CSNK1G2: variants seen among roughly 807,000 people sequenced by gnomAD.
CSNK1G2 encodes casein kinase I isoform gamma-2.
Under a neutral mutation model 48.0 loss-of-function variants are expected in CSNK1G2, and 11 were observed. The ratio of observed to expected loss-of-function variants is 0.23; its 90% CI spans 0.14 to 0.38. The LOEUF is 0.38. Ranked by LOEUF, CSNK1G2 falls within the 10% of genes least tolerant of loss-of-function variation. The pLI, the probability that CSNK1G2 is intolerant of heterozygous loss-of-function variation, is 1.00. For missense variants in CSNK1G2, 446 were observed against 595.5 expected (o/e 0.75, Z 2.61); for synonymous variants, 337 against 254.1 (o/e 1.33, Z -3.10).
At chr19:1,955,655 C>A (rs2014968174) in intron 1 of CSNK1G2, among the ~76,000 whole-genome samples, 1 of 152,202 alleles carries the variant, frequency 6.6e-6, no homozygotes, top group Non-Finnish European at 1.5e-5. Context: ...CCCACGACCC[C>A]CTCAGAGGGG....
chr19:1,949,308 G>A (rs2014679905), intron 1 of CSNK1G2, among the ~76,000 whole-genome samples: 1 of 152,070 alleles, frequency 6.6e-6, no homozygotes, highest in Non-Finnish European at 1.5e-5. Context: ...GTTCACTCCC[G>A]TGCCCTCTCC....
chr19:1,975,945 G>A (rs1430459791), intron 2 of CSNK1G2: 4 of 830,634 alleles, frequency 4.8e-6, no homozygotes, highest in Admixed American at 2.9e-5. Context: ...TGAGGCAGGA[G>A]AATCGCTTGA....
chr19:1,968,441 T>G (rs548941896), intron 1 of CSNK1G2, among the ~76,000 whole-genome samples: 55 of 152,288 alleles, frequency 3.6e-4, no homozygotes, highest in Non-Finnish European at 6.0e-4. Context: ...GCGCTGAGAC[T>G]GGGCTCCATG....
chr19:1,973,250 GTC>G (rs2015637328), intron 2 of CSNK1G2, among the ~76,000 whole-genome samples: 1 of 150,712 alleles, frequency 6.6e-6, no homozygotes, highest in Non-Finnish European at 1.5e-5. Flanking sequence ...TTGAGACAGA[GTC>G]TCACTCTCTT....
chr19:1,957,026 G>A lies in CSNK1G2; in HGVS notation c.-265-12482G>A, dbSNP rs999892482. 6.6e-5 allele frequency among the ~76,000 whole-genome samples: 10 copies of A among 152,216 alleles called. No homozygotes were observed. Among genetic ancestry groups the A allele is most frequent in the South Asian group, 2.1e-4 (1 of 4,830 alleles). On this transcript the variant is annotated intron_variant, in intron 1 of 11. Coordinates refer to ENST00000255641, the MANE Select transcript of CSNK1G2 (RefSeq NM_001319.7). The surrounding 1 kb of genome is among the most constrained non-coding windows in gnomAD (Gnocchi z 5.4). ...GGGATTCTGCAGAGGGAAGGCTGGT[G>A]GTGGCGCCCCCCTTCGACGGTCGTG...
intron 1 of CSNK1G2, among the ~76,000 whole-genome samples, chr19:1,946,441 G>A (rs1417096439): frequency 2.0e-5 from 3 of 149,658 alleles, no homozygotes; most frequent in East Asian, 2.0e-4. Context: ...ACAGGCGACC[G>A]CCACCACGCC....
In CSNK1G2 at chr19:1,981,002, CCGCGTGGGG is replaced by C. The variant is rs981426632; in HGVS notation, c.*808_*816del. 6.6e-6 allele frequency: 1 copy of C among 152,338 alleles called. No individual in the cohort carries two copies. The highest frequency in any genetic ancestry group is 3.4e-3 in the Middle Eastern group (1 of 294). 9.4% of individuals were successfully genotyped at this position (152,338 alleles called of 1,614,324 possible). ...TCACCCTGCTCGGCCCTCAGCCCTG[CCGCGTGGGG>C]CGCGTGGGCACGGAGCTTCCTGCCT... On this transcript the variant is annotated 3_prime_UTR_variant, in exon 12 of 12. Coordinates refer to ENST00000255641, the MANE Select transcript of CSNK1G2 (RefSeq NM_001319.7).
chr19:1,972,382 T>G (rs1168771043), intron 2 of CSNK1G2, among the ~76,000 whole-genome samples: 2 of 147,642 alleles, frequency 1.4e-5, no homozygotes, highest in Non-Finnish European at 3.0e-5. Context: ...GGACTCCGGT[T>G]GTTGAATGTT....
chr19:1,952,195 G>C (rs902493675), intron 1 of CSNK1G2, among the ~76,000 whole-genome samples: 36 of 152,260 alleles, frequency 2.4e-4, no homozygotes, highest in African/African-American at 7.5e-4. Flanking sequence ...CCCTCAGTGG[G>C]CAGTGGGTGC....
chr19:1,961,639 T>C (rs2015202525), intron 1 of CSNK1G2, among the ~76,000 whole-genome samples: 1 of 151,692 alleles, frequency 6.6e-6, no homozygotes, highest in Non-Finnish European at 1.5e-5. Flanking sequence ...GTCCCTGTGC[T>C]GGAAGAGAGA....
chr19:1,955,297 T>G (rs2014945153), intron 1 of CSNK1G2, among the ~76,000 whole-genome samples: 1 of 139,454 alleles, frequency 7.2e-6, no homozygotes, highest in South Asian at 2.3e-4. Flanking sequence ...CTGACTGCCC[T>G]CCTGCTGCTG....
chr19:1,942,663 A>C (rs2014411263), intron 1 of CSNK1G2: 1 of 146,522 alleles, frequency 6.8e-6, no homozygotes, highest in East Asian at 2.2e-4. Context: ...CGCCACGGGA[A>C]GGCGCTCGGA....
rs552373955 is a variant in CSNK1G2 at position 1,948,646 on chromosome 19, C to T, written c.-266+7228C>T. Among the ~76,000 whole-genome samples, 3 of 151,542 alleles carry T rather than the reference C, an allele frequency of 2.0e-5. No individual in the cohort carries two copies. In the East Asian group the frequency reaches 5.9e-4, roughly 30 times the overall value. ...ATGAGCCACTTTTTTTTGCTGGGAA[C>T]ATAATCCACGTTTGGTAAAATTCGG... On this transcript the variant is annotated intron_variant, in intron 1 of 11. Coordinates refer to ENST00000255641, the MANE Select transcript of CSNK1G2 (RefSeq NM_001319.7).
Position 1,968,389 on chromosome 19 carries a change from G to A in CSNK1G2, c.-265-1119G>A, listed in dbSNP as rs934710710. On this transcript the variant is annotated intron_variant, in intron 1 of 11. Coordinates refer to ENST00000255641, the MANE Select transcript of CSNK1G2 (RefSeq NM_001319.7). ...TCCTCCCTCCTCCCCAGGCTGTCCC[G>A]AGGCTCCTTGCTGGGGACCGTCCTG... Among the ~76,000 whole-genome samples, 78 of 151,088 alleles carry A rather than the reference G, an allele frequency of 5.2e-4. 1 individual carries two copies. Among genetic ancestry groups the A allele is most frequent in the Non-Finnish European group, 8.1e-4 (55 of 67,868 alleles).
Position 1,980,322 on chromosome 19 carries a change from A to G in CSNK1G2, c.*119A>G. 1 of 1,281,530 alleles carries G rather than the reference A, an allele frequency of 7.8e-7. No individual in the cohort carries two copies. Among genetic ancestry groups the G allele is most frequent in the South Asian group, 1.2e-5 (1 of 80,852 alleles). The allele number at this position is 1,281,530 out of a possible 1,614,324, so 79.4% of individuals were successfully genotyped here. On this transcript the variant is annotated 3_prime_UTR_variant, in exon 12 of 12. Transcript: ENST00000255641. The stretch of plus-strand genomic sequence containing the variant: ...GGGCCAGACCCTGGCTGGAAGCCAG[A>G]ACGCAGACTGCAGGGGCCGCGCCTG...
At chr19:1,973,815 T>C (rs1053100725) in intron 2 of CSNK1G2, among the ~76,000 whole-genome samples, 1 of 151,962 alleles carries the variant, frequency 6.6e-6, no homozygotes, top group African/African-American at 2.4e-5. Context: ...TCTTTGAACA[T>C]GTTTGTGCTG....
At position 1,970,496 on chromosome 19, in the gene CSNK1G2, C is replaced by T. The variant is rs1175286859; in HGVS notation, c.187+537C>T. Among the ~76,000 whole-genome samples, 4 of 152,210 alleles carry T rather than the reference C, an allele frequency of 2.6e-5. No individual in the cohort carries two copies. In the South Asian group the frequency reaches 8.3e-4, roughly 31 times the overall value. On this transcript the variant is annotated intron_variant, in intron 2 of 11. Coordinates refer to ENST00000255641, the MANE Select transcript of CSNK1G2 (RefSeq NM_001319.7). ...CTGCTCACACCAACCTCTCCCGGGT[C>T]GGGGTCTGATTGCCCGGGCAGGCGT...
At chr19:1,961,230 G>A (rs975723457) in intron 1 of CSNK1G2, among the ~76,000 whole-genome samples, 1 of 152,250 alleles carries the variant, frequency 6.6e-6, no homozygotes, top group Non-Finnish European at 1.5e-5. Context: ...TGTTCCCGTG[G>A]CTCTCATGGC....
At chr19:1,941,712 C>T (rs900231243) in intron 1 of CSNK1G2, among the ~76,000 whole-genome samples, 5 of 150,160 alleles carry the variant, frequency 3.3e-5, no homozygotes, top group African/African-American at 1.2e-4. Context: ...CCCACGCTGA[C>T]CTCCACACTC....
Sources: gnomAD v4.1 joint callset for allele counts (sites outside exome capture counted in the v4.1 genomes callset) on GRCh38, gnomAD v4.1.1 for gene constraint, Gnocchi (gnomAD v3.1) non-coding constraint, MANE v1.5 for transcripts, NCBI Gene and HGNC (gene_info 2026-07-23, HGNC 2026-07-21) for gene names.